The following FAM174A variants were observed in gnomAD, a reference collection of about 807,000 sequenced individuals.
The protein encoded by FAM174A is family with sequence similarity 174 member A, also known as membrane protein FAM174A.
Under a neutral mutation model 14.3 loss-of-function variants are expected in FAM174A, and 14 were observed. The ratio of observed to expected loss-of-function variants is 0.98; its 90% CI spans 0.65 to 1.53. The LOEUF (loss-of-function observed/expected upper bound fraction) is 1.53, where lower values mean the gene tolerates loss of function less well. Among genes scored for constraint, FAM174A ranks in the 40% most tolerant of loss-of-function variants. The pLI is 0.00. For missense variants in FAM174A, 241 were observed against 249.6 expected, an observed-to-expected ratio of 0.97 and a Z score of 0.23; for synonymous variants, 108 against 111.4, an observed-to-expected ratio of 0.97 and a Z score of 0.19.
chr5:100,576,665 C>T (rs192809492), intron 2 of FAM174A, among the ~76,000 whole-genome samples: 50 of 152,254 alleles, frequency 3.3e-4, no homozygotes, highest in African/African-American at 1.2e-3. Flanking sequence ...ACCACCGTTC[C>T]ACCAACTGTG....
intron 1 of FAM174A, among the ~76,000 whole-genome samples, chr5:100,545,480 G>T (rs1319590675): frequency 6.6e-6 from 1 of 152,010 alleles, no homozygotes; most frequent in Non-Finnish European, 1.5e-5. Flanking sequence ...ATTGACTGTT[G>T]TGAGATTTTG....
chr5:100,549,284 G>A (rs1391063830), intron 1 of FAM174A, among the ~76,000 whole-genome samples: 1 of 152,116 alleles, frequency 6.6e-6, no homozygotes, highest in Non-Finnish European at 1.5e-5. Flanking sequence ...AGAAATGGAG[G>A]TCAGAAGAAT....
intron 2 of FAM174A, among the ~76,000 whole-genome samples, chr5:100,574,746 T>C (rs1012441192): frequency 2.0e-5 from 3 of 152,230 alleles, no homozygotes; most frequent in Non-Finnish European, 2.9e-5. Flanking sequence ...TTCAAATAAC[T>C]AAAAGCCAGA....
At chr5:100,557,868 T>C (rs1431585759) in intron 1 of FAM174A, among the ~76,000 whole-genome samples, 1 of 152,186 alleles carries the variant, frequency 6.6e-6, no homozygotes, top group African/African-American at 2.4e-5. Context: ...ATCAATTTTG[T>C]TGATCTTTTC....
At chr5:100,558,128 G>T (rs903001930) in intron 1 of FAM174A, among the ~76,000 whole-genome samples, 1 of 152,222 alleles carries the variant, frequency 6.6e-6, no homozygotes, top group East Asian at 1.9e-4. Context: ...AGAGATTCTG[G>T]TATGTTGTGC....
chr5:100,545,623 G>C (rs1367641186), intron 1 of FAM174A, among the ~76,000 whole-genome samples: 1 of 152,114 alleles, frequency 6.6e-6, no homozygotes, highest in African/African-American at 2.4e-5. Flanking sequence ...TATCTCAATA[G>C]TAAAGCAAAA....
intron 1 of FAM174A, among the ~76,000 whole-genome samples, chr5:100,553,426 A>G (rs1366034935): frequency 1.3e-5 from 2 of 152,108 alleles, no homozygotes; most frequent in Admixed American, 6.6e-5. Context: ...GTGTTTTATT[A>G]TAGTTGATGT....
chr5:100,575,120 C>A (rs1224412106), intron 2 of FAM174A, among the ~76,000 whole-genome samples: 1 of 152,098 alleles, frequency 6.6e-6, no homozygotes, highest in African/African-American at 2.4e-5. Context: ...CTTCTGTCTT[C>A]TATACTACCA....
intron 1 of FAM174A, among the ~76,000 whole-genome samples, chr5:100,547,868 A>G (rs1002584068): frequency 6.6e-6 from 1 of 152,058 alleles, no homozygotes; most frequent in Non-Finnish European, 1.5e-5. Context: ...CATGTATATG[A>G]ATAGGCCTAG....
rs529767869 is a variant in FAM174A at position 100,571,672 on chromosome 5, GTATA to G, written c.569+9501_569+9504del. Among the ~76,000 whole-genome samples, 11 of 136,642 alleles carry G rather than the reference GTATA, an allele frequency of 8.1e-5. No individual in the cohort carries two copies. The East Asian group carries it at 8.3e-4, about 10-fold the overall frequency. 89.6% of individuals were successfully genotyped at this position (136,642 alleles called of 152,430 possible). A position where few individuals can be genotyped will look rare whatever the true frequency, so the allele number is the denominator to read the frequency against. On this transcript the variant is annotated intron_variant, in intron 2 of 2. Transcript: ENST00000312637. ...AAAGTATATACCTAAGTGTGTGTGT[GTATA>G]TATATATATATATATACACACACAC...
intron 2 of FAM174A, among the ~76,000 whole-genome samples, chr5:100,578,521 A>G (rs917950435): frequency 6.6e-6 from 1 of 152,184 alleles, no homozygotes; most frequent in Non-Finnish European, 1.5e-5. Flanking sequence ...CATCCAGCAA[A>G]TAATTGATCA....
At chr5:100,584,002 T>C (rs1747070478) in intron 2 of FAM174A, among the ~76,000 whole-genome samples, 1 of 152,206 alleles carries the variant, frequency 6.6e-6, no homozygotes, top group Non-Finnish European at 1.5e-5. Context: ...GTTGAATTCC[T>C]GGGGTTCTTT....
chr5:100,574,068 C>T (rs576953472), intron 2 of FAM174A, among the ~76,000 whole-genome samples: 1 of 152,208 alleles, frequency 6.6e-6, no homozygotes, highest in East Asian at 1.9e-4. Context: ...CATGTATAAA[C>T]CAATCATTAT....
At chr5:100,548,428 A>G (rs1377375484) in intron 1 of FAM174A, among the ~76,000 whole-genome samples, 3 of 152,128 alleles carry the variant, frequency 2.0e-5, no homozygotes, top group African/African-American at 7.2e-5. Context: ...CTACATAAGG[A>G]TGAACTAGAA....
intron 1 of FAM174A, among the ~76,000 whole-genome samples, chr5:100,558,651 G>C (rs1746452124): frequency 6.6e-6 from 1 of 152,108 alleles, no homozygotes; most frequent in Non-Finnish European, 1.5e-5. Flanking sequence ...ATTTAGGATA[G>C]TTAGCTCTTC....
intron 2 of FAM174A, among the ~76,000 whole-genome samples, chr5:100,574,729 G>T (rs1746865565): frequency 6.6e-6 from 1 of 152,014 alleles, no homozygotes; most frequent in Non-Finnish European, 1.5e-5. Context: ...AGGGGGCGGG[G>T]ATAATATTCA....
chr5:100,542,920 G>C (rs765326887), intron 1 of FAM174A, among the ~76,000 whole-genome samples: 3 of 151,980 alleles, frequency 2.0e-5, no homozygotes, highest in South Asian at 4.1e-4. Context: ...ATATATGTGT[G>C]TGTGTAATAT....
chr5:100,553,101 A>G (rs1004027602), intron 1 of FAM174A, among the ~76,000 whole-genome samples: 1 of 152,106 alleles, frequency 6.6e-6, no homozygotes, highest in African/African-American at 2.4e-5. Context: ...AATTGTCAAC[A>G]CACATATAGA....
chr5:100,547,621 A>G (rs540945661), intron 1 of FAM174A, among the ~76,000 whole-genome samples: 1 of 152,166 alleles, frequency 6.6e-6, no homozygotes, highest in South Asian at 2.1e-4. Flanking sequence ...TGCTGATGAA[A>G]CATTTGATTG....
Sources: gnomAD v4.1 joint callset for allele counts (sites outside exome capture counted in the v4.1 genomes callset) on GRCh38, gnomAD v4.1.1 for gene constraint, MANE v1.5 for transcripts, NCBI Gene and HGNC (gene_info 2026-07-23, HGNC 2026-07-21) for gene names.